Variants in DDC observed in about 807,000 individuals in gnomAD.
The protein encoded by DDC is dopa decarboxylase.
In DDC, 43 loss-of-function variants were observed where a neutral mutation model predicts 60.0. The ratio of observed to expected loss-of-function variants is 0.72; its 90% CI spans 0.56 to 0.92. The LOEUF (loss-of-function observed/expected upper bound fraction) is 0.92. DDC is among the 40% of genes least tolerant of loss of function. DDC has a pLI of 0.00. For missense variants in DDC, 573 were observed against 620.2 expected, an observed-to-expected ratio of 0.92 and a Z score of 0.81; for synonymous variants, 232 against 234.6, an observed-to-expected ratio of 0.99 and a Z score of 0.10.
In DDC at chr7:50,479,823, C is replaced by G; in HGVS notation, c.985G>C (p.Asp329His). ...TGGCTGTGCTTCAGGTAAGTGGGGTCCAGTCTAAAGGCTCCCGTTAAGTCT... is the reference window on the plus strand; with the variant it reads ...TGGCTGTGCTTCAGGTAAGTGGGGTGCAGTCTAAAGGCTCCCGTTAAGTCT... ...RTDLTGAFRL[D>H]PTYLKHSHQD... The change falls in exon 10 of 15, where the codon GAC becomes CAC. Residue 329 changes from aspartate (D) to histidine (H), a missense_variant. Coordinates refer to ENST00000444124, the MANE Select transcript of DDC (RefSeq NM_001082971.2). 2 of 1,613,714 alleles carry G rather than the reference C, an allele frequency of 1.2e-6. No homozygotes were observed. The highest frequency in any genetic ancestry group is 2.7e-5 in the African/African-American group (2 of 74,980).
chr7:50,563,528 A>G (rs559301883), intron 1 of DDC, among the ~76,000 whole-genome samples: 3 of 152,196 alleles, frequency 2.0e-5, no homozygotes, highest in Non-Finnish European at 2.9e-5. Flanking sequence ...TTTTCTTTAT[A>G]TATTTAAGGC....
intron 13 of DDC, among the ~76,000 whole-genome samples, chr7:50,465,756 C>G (rs1166550806): frequency 1.3e-5 from 2 of 152,368 alleles, no homozygotes; most frequent in Admixed American, 1.3e-4. Context: ...TAGAAGAAAA[C>G]TGTCAACAAA....
chr7:50,507,031 C>A (rs2043417815), intron 6 of DDC, among the ~76,000 whole-genome samples: 2 of 152,192 alleles, frequency 1.3e-5, no homozygotes. Flanking sequence ...AGACACCTGG[C>A]TACTCAGTTT....
intron 9 of DDC, among the ~76,000 whole-genome samples, chr7:50,482,035 C>T (rs116515250): frequency 0.012 from 1,790 of 152,314 alleles, 32 homozygotes; most frequent in African/African-American, 0.041. Context: ...ATGGGACCAT[C>T]CCTGTGCATA....
intron 2 of DDC, among the ~76,000 whole-genome samples, chr7:50,540,900 A>C (rs530224092): frequency 4.5e-4 from 68 of 152,326 alleles, no homozygotes; most frequent in African/African-American, 1.6e-3. Flanking sequence ...CAATGGTAAC[A>C]AGGGGCCAGC....
intron 1 of DDC, among the ~76,000 whole-genome samples, chr7:50,545,880 C>T (rs779748972): frequency 2.6e-5 from 4 of 152,172 alleles, no homozygotes; most frequent in African/African-American, 9.7e-5. Flanking sequence ...CATGTATTTT[C>T]TCCATAAGGC....
At chr7:50,527,583 G>A (rs1478765313) in intron 6 of DDC, 1 of 154,988 alleles carries the variant, frequency 6.5e-6, no homozygotes, top group Non-Finnish European at 1.4e-5. Flanking sequence ...TCAGGAGCTA[G>A]GGATAAGGCA....
At chr7:50,503,360 A>C (rs144322735) in intron 7 of DDC, among the ~76,000 whole-genome samples, 253 of 152,368 alleles carry the variant, frequency 1.7e-3, no homozygotes, top group South Asian at 4.1e-3. Context: ...TCAAAGGTGA[A>C]ACTCTAGAAA....
chr7:50,544,188 T>C, intron 1 of DDC, 75 bp from the exon 2 acceptor site: 1 of 1,152,148 alleles, frequency 8.7e-7, no homozygotes, highest in Admixed American at 1.7e-5. Flanking sequence ...AAGCAAGCCG[T>C]GGGTAGGGAC....
chr7:50,520,900 AAAATAAATAAATAAATAAATAAATAAAT>A (rs58873202), intron 6 of DDC, among the ~76,000 whole-genome samples: 5 of 147,806 alleles, frequency 3.4e-5, no homozygotes, highest in South Asian at 2.2e-4. Context: ...TCTGTCTCAG[AAAATAAATAAATAAATAAATAAATAAAT>A]AAATAAATAA....
At chr7:50,524,321 G>A (rs1414724909) in intron 6 of DDC, among the ~76,000 whole-genome samples, 1 of 152,178 alleles carries the variant, frequency 6.6e-6, no homozygotes, top group Non-Finnish European at 1.5e-5. Context: ...TGGATGTTAT[G>A]TATTGGTGAA....
intron 1 of DDC, among the ~76,000 whole-genome samples, chr7:50,553,635 C>A (rs190607463): frequency 1.3e-5 from 2 of 151,722 alleles, no homozygotes; most frequent in East Asian, 1.9e-4. Context: ...TACAGGTGTG[C>A]GTCACCACAC....
At position 50,505,974 on chromosome 7, in the gene DDC, G is replaced by A. The variant is rs372811382; in HGVS notation, c.715-1915C>T. Among the ~76,000 whole-genome samples, 5 of 152,362 alleles carry A rather than the reference G, an allele frequency of 3.3e-5. No individual in the cohort carries two copies. The South Asian group carries it at 1.0e-3, about 32-fold the overall frequency. ...TTCCTCACAGTCCCCAAGGGGAGGGGGACATGGGGAAGCACGAGGATCAGT... is the reference window on the plus strand; with the variant it reads ...TTCCTCACAGTCCCCAAGGGGAGGGAGACATGGGGAAGCACGAGGATCAGT... On this transcript the variant is annotated intron_variant, in intron 6 of 14. Coordinates refer to ENST00000444124, the MANE Select transcript of DDC (RefSeq NM_001082971.2).
intron 6 of DDC, 44 bp downstream of exon 6, chr7:50,528,093 G>A (rs1475487675): frequency 2.5e-6 from 4 of 1,608,776 alleles, no homozygotes; most frequent in African/African-American, 1.3e-5. Context: ...TAGAGACGGA[G>A]TTTCACCTTA....
At chr7:50,470,476 C>T (rs1278892700) in intron 11 of DDC, among the ~76,000 whole-genome samples, 4 of 152,322 alleles carry the variant, frequency 2.6e-5, no homozygotes, top group Admixed American at 2.6e-4. Context: ...GGGCTGTCCC[C>T]TAGGGTTCCG....
rs1337615406 is a variant in DDC, at chr7:50,517,845, A to AC, written c.714+10291_714+10292insG. ...ATAGCTAAAAAAAAAAAAAAAAAAA[A>AC]ACCTTAGGAATATACCTAACCAAGG... is the stretch of plus-strand genomic sequence containing the variant. On this transcript the variant is annotated intron_variant, in intron 6 of 14. Coordinates refer to ENST00000444124, the MANE Select transcript of DDC (RefSeq NM_001082971.2). Among the ~76,000 whole-genome samples the AC allele has an allele frequency of 4.0e-5, 6 of 151,544 alleles. No individual in the cohort carries two copies. In the South Asian group the frequency reaches 1.0e-3, roughly 26 times the overall value.
chr7:50,489,265 C>G (rs2042949116), intron 9 of DDC, among the ~76,000 whole-genome samples: 1 of 152,122 alleles, frequency 6.6e-6, no homozygotes, highest in South Asian at 2.1e-4. Context: ...CCTCGGCCTC[C>G]CAAAGTGCTG....
chr7:50,546,094 G>A (rs1471493877), intron 1 of DDC, among the ~76,000 whole-genome samples: 1 of 152,118 alleles, frequency 6.6e-6, no homozygotes, highest in African/African-American at 2.4e-5. Context: ...TTTTCCCATG[G>A]GAGTTAAGTG....
intron 3 of DDC, among the ~76,000 whole-genome samples, chr7:50,539,431 G>C (rs2044531887): frequency 6.6e-6 from 1 of 152,126 alleles, no homozygotes; most frequent in South Asian, 2.1e-4. Context: ...TTGCAGGCAG[G>C]AGCTAGGCCC....
Sources: gnomAD v4.1 joint callset for allele counts (sites outside exome capture counted in the v4.1 genomes callset) on GRCh38, gnomAD v4.1.1 for gene constraint, MANE v1.5 for transcripts, NCBI Gene and HGNC (gene_info 2026-07-23, HGNC 2026-07-21) for gene names.